Variants in SPOCK3 observed in about 807,000 individuals in gnomAD.
SPOCK3 encodes the protein SPARC (osteonectin), cwcv and kazal like domains proteoglycan 3, also known as testican-3.
In SPOCK3, 30 loss-of-function variants were observed where a neutral mutation model predicts 56.6. The observed-to-expected ratio is 0.53, with a 90% CI of 0.40 to 0.72. SPOCK3 has a LOEUF of 0.72. Ranked by LOEUF, SPOCK3 falls within the 30% of genes least tolerant of loss-of-function variation. The pLI, the probability that SPOCK3 is intolerant of heterozygous loss-of-function variation, is 0.00. For synonymous variants in SPOCK3, 196 were observed against 183.3 expected (o/e 1.07, Z -0.56); for missense variants, 527 against 530.0 (o/e 0.99, Z 0.06).
chr4:166,985,333 G>T (rs566740146), intron 4 of SPOCK3, among the ~76,000 whole-genome samples: 1 of 152,200 alleles, frequency 6.6e-6, no homozygotes, highest in South Asian at 2.1e-4. Flanking sequence ...CAAGTGAAGA[G>T]GCAACAATTC....
intron 2 of SPOCK3, among the ~76,000 whole-genome samples, chr4:167,150,584 A>G (rs1414161754): frequency 6.6e-6 from 1 of 152,162 alleles, no homozygotes; most frequent in Non-Finnish European, 1.5e-5. Flanking sequence ...ATAAATGCCT[A>G]AATATAGTAG....
intron 3 of SPOCK3, among the ~76,000 whole-genome samples, chr4:167,017,823 C>T (rs1004182199): frequency 2.6e-5 from 4 of 151,968 alleles, no homozygotes; most frequent in African/African-American, 9.7e-5. Context: ...ACCTTTGTTT[C>T]AGTCTTTAAA....
At chr4:166,962,710 C>T (rs1744274097) in intron 4 of SPOCK3, among the ~76,000 whole-genome samples, 1 of 151,934 alleles carries the variant, frequency 6.6e-6, no homozygotes, top group South Asian at 2.1e-4. Flanking sequence ...TTCCATAGAC[C>T]CTACAAGGTC....
chr4:166,843,805 T>A (rs562614025), intron 6 of SPOCK3, among the ~76,000 whole-genome samples: 1 of 152,342 alleles, frequency 6.6e-6, no homozygotes, highest in Non-Finnish European at 1.5e-5. Context: ...TTTGGCAATG[T>A]AACTTCCTTT....
chr4:166,884,507 C>T lies in SPOCK3; in HGVS notation c.589+4623G>A, dbSNP rs530726760. 2.4e-3 allele frequency among the ~76,000 whole-genome samples: 371 copies of T among 152,116 alleles called. 3 individuals carry two copies. The highest frequency in any genetic ancestry group is 8.4e-3 in the African/African-American group (347 of 41,512). On this transcript the variant is annotated intron_variant, in intron 6 of 10. Transcript: ENST00000357545. ...ATTAAGTATAGAAAAAATTAAATCT[C>T]TTCAATTTTTACCACCCAATATGAT... is the stretch of plus-strand genomic sequence containing the variant.
intron 2 of SPOCK3, among the ~76,000 whole-genome samples, chr4:167,198,998 T>C (rs1019091264): frequency 1.3e-5 from 2 of 152,044 alleles, no homozygotes; most frequent in African/African-American, 4.8e-5. Context: ...TCATATTGCA[T>C]TGGCCATAAG....
intron 5 of SPOCK3, among the ~76,000 whole-genome samples, chr4:166,899,132 G>A (rs764736164): frequency 1.2e-4 from 18 of 151,834 alleles, no homozygotes; most frequent in Non-Finnish European, 2.2e-4. Flanking sequence ...CTTGGGCCAC[G>A]GACTGAATTA....
chr4:166,966,839 C>T (rs576875496), intron 4 of SPOCK3, among the ~76,000 whole-genome samples: 2 of 152,248 alleles, frequency 1.3e-5, no homozygotes, highest in East Asian at 3.9e-4. Context: ...TTATAGATCA[C>T]ACTTTGATGA....
In SPOCK3 at chr4:166,904,292, C is replaced by T. The variant is rs1291200335; in HGVS notation, c.474+8328G>A. Among the ~76,000 whole-genome samples, 5 of 151,902 alleles carry T rather than the reference C, an allele frequency of 3.3e-5. No homozygotes were observed. In the South Asian group the frequency reaches 1.0e-3, roughly 32 times the overall value. On this transcript the variant is annotated intron_variant, in intron 5 of 10. Transcript: ENST00000357545. ...CATTGTTAAAATTAAGAAGTTAATG[C>T]ATATAAAAATTAACGCATTAGCTTA...
At chr4:167,036,231 G>T (rs1337682913) in intron 3 of SPOCK3, among the ~76,000 whole-genome samples, 2 of 152,082 alleles carry the variant, frequency 1.3e-5, no homozygotes, top group Non-Finnish European at 2.9e-5. Flanking sequence ...GTGCCAAAAT[G>T]TATTTCCCTG....
Position 167,045,649 on chromosome 4 carries a change from T to A in SPOCK3, c.235+16843A>T, listed in dbSNP as rs889925339. 8.5e-5 allele frequency among the ~76,000 whole-genome samples: 13 copies of A among 152,240 alleles called. 1 individual carries two copies. Among genetic ancestry groups the A allele is most frequent in the African/African-American group, 3.1e-4 (13 of 41,572 alleles). ...TATTTATAAGTAATCCATGTCCACT[T>A]TTAAATAATACTCTACCACTTTATG... On this transcript the variant is annotated intron_variant, in intron 3 of 10. Transcript: ENST00000357545.
intron 7 of SPOCK3, among the ~76,000 whole-genome samples, chr4:166,777,539 G>C (rs1041435734): frequency 9.9e-5 from 15 of 152,122 alleles, no homozygotes; most frequent in African/African-American, 3.4e-4. Flanking sequence ...CGCTTTGTGA[G>C]GCAAGGTGGC....
At chr4:166,843,774 A>T (rs1262587914) in intron 6 of SPOCK3, among the ~76,000 whole-genome samples, 2 of 152,234 alleles carry the variant, frequency 1.3e-5, no homozygotes, top group Non-Finnish European at 2.9e-5. Flanking sequence ...ATAAGAAAAT[A>T]ATACATGTCT....
chr4:166,774,099 C>A (rs1739261367), intron 7 of SPOCK3, among the ~76,000 whole-genome samples: 2 of 152,252 alleles, frequency 1.3e-5, no homozygotes, highest in African/African-American at 4.8e-5. Context: ...ATCACAATTC[C>A]AAATCTGATT....
At chr4:166,970,044 G>C (rs1285726534) in intron 4 of SPOCK3, among the ~76,000 whole-genome samples, 3 of 152,072 alleles carry the variant, frequency 2.0e-5, no homozygotes, top group Non-Finnish European at 4.4e-5. Flanking sequence ...TTTTTCTTCA[G>C]CTAATTATAT....
intron 9 of SPOCK3, among the ~76,000 whole-genome samples, chr4:166,740,315 C>T (rs1296158737): frequency 7.6e-6 from 1 of 132,158 alleles, no homozygotes; most frequent in Non-Finnish European, 1.6e-5. Flanking sequence ...ATGAAGGTAA[C>T]TCTTCCCAAA....
intron 6 of SPOCK3, among the ~76,000 whole-genome samples, chr4:166,864,273 G>A (rs972037048): frequency 9.9e-5 from 15 of 152,088 alleles, no homozygotes; most frequent in Non-Finnish European, 2.1e-4. Context: ...CTAGGACACA[G>A]CTAAAGCAGT....
chr4:166,737,131 T>C (rs1425831960), intron 10 of SPOCK3, among the ~76,000 whole-genome samples: 1 of 152,048 alleles, frequency 6.6e-6, no homozygotes, highest in African/African-American at 2.4e-5. Context: ...ACACGATAAA[T>C]AGAGTTTATT....
At chr4:167,026,813 AT>A (rs1331288750) in intron 3 of SPOCK3, among the ~76,000 whole-genome samples, 1 of 146,520 alleles carries the variant, frequency 6.8e-6, no homozygotes, top group Non-Finnish European at 1.5e-5. Flanking sequence ...AAGTTCTGGC[AT>A]TTGAAGTTTT....
Sources: allele counts gnomAD v4.1 joint callset (sites outside exome capture counted in the v4.1 genomes callset), GRCh38; gene constraint gnomAD v4.1.1; transcripts MANE v1.5; gene names NCBI Gene and HGNC (gene_info 2026-07-23, HGNC 2026-07-21).